Variants in PARD3B observed in about 807,000 individuals in gnomAD.
PARD3B encodes the protein partitioning defective 3 homolog B.
In PARD3B, 103 loss-of-function variants were observed where a neutral mutation model predicts 130.2. That is an observed-to-expected ratio of 0.79 (90% confidence interval 0.67 to 0.93). PARD3B has a LOEUF of 0.93. Among genes scored for constraint, PARD3B ranks in the 40% least tolerant of loss-of-function variants. The pLI is 0.00. For missense variants in PARD3B, 1,609 were observed against 1,499.2 expected (o/e 1.07, Z -1.21); for synonymous variants, 583 against 553.2 (o/e 1.05, Z -0.76).
chr2:205,103,254 CATTTTATATTTATGTAAAATAAACAT>C (rs1702932706), intron 4 of PARD3B, among the ~76,000 whole-genome samples: 2 of 76,672 alleles, frequency 2.6e-5, no homozygotes, highest in Admixed American at 1.2e-4. Flanking sequence ...ATGTAAAAAA[CATTTTATATTTATGTAAAATAAACAT>C]ATTTTATATT....
chr2:205,054,986 ATC>A (rs1699544055), intron 4 of PARD3B, among the ~76,000 whole-genome samples: 1 of 152,084 alleles, frequency 6.6e-6, no homozygotes, highest in Admixed American at 6.6e-5. Flanking sequence ...ATTAGCTGTT[ATC>A]TCTCTGAAAT....
At chr2:205,386,235 T>A (rs1270766463) in intron 18 of PARD3B, among the ~76,000 whole-genome samples, 1 of 152,156 alleles carries the variant, frequency 6.6e-6, no homozygotes, top group Non-Finnish European at 1.5e-5. Flanking sequence ...TCCATCCACA[T>A]ATTCTTGGCA....
chr2:205,168,180 G>C (rs75025348), intron 11 of PARD3B, among the ~76,000 whole-genome samples: 1 of 151,874 alleles, frequency 6.6e-6, no homozygotes, highest in Non-Finnish European at 1.5e-5. Flanking sequence ...TTTCTAGCTT[G>C]AGGATGGAGT....
intron 2 of PARD3B, among the ~76,000 whole-genome samples, chr2:204,875,614 T>C (rs2045810680): frequency 6.6e-6 from 1 of 152,224 alleles, no homozygotes; most frequent in South Asian, 2.1e-4. Context: ...TGGCCTGCCT[T>C]GAAAGAGAAA....
At chr2:205,388,044 T>C (rs927790215) in intron 18 of PARD3B, among the ~76,000 whole-genome samples, 1 of 152,172 alleles carries the variant, frequency 6.6e-6, no homozygotes, top group Non-Finnish European at 1.5e-5. Flanking sequence ...GAGGAAACAC[T>C]CTCTGGTAAA....
intron 18 of PARD3B, among the ~76,000 whole-genome samples, chr2:205,396,439 A>G (rs2046032763): frequency 6.6e-6 from 1 of 152,236 alleles, no homozygotes; most frequent in Non-Finnish European, 1.5e-5. Context: ...TAAGGAAAGA[A>G]GAAAGATTTT....
At chr2:204,652,162 A>G (rs766361192) in intron 1 of PARD3B, among the ~76,000 whole-genome samples, 1 of 152,036 alleles carries the variant, frequency 6.6e-6, no homozygotes, top group Non-Finnish European at 1.5e-5. Context: ...GCAGCTTTGA[A>G]TCACCCCCAC....
intron 2 of PARD3B, among the ~76,000 whole-genome samples, chr2:204,720,195 C>G (rs990659758): frequency 1.3e-5 from 2 of 152,112 alleles, no homozygotes; most frequent in African/African-American, 4.8e-5. Context: ...TGCGAGCCAG[C>G]AGAAATGATC....
chr2:205,402,916 G>A (rs530459482), intron 19 of PARD3B, among the ~76,000 whole-genome samples: 1 of 152,178 alleles, frequency 6.6e-6, no homozygotes. Context: ...TAGAATTAAT[G>A]ACCAAAGGCA....
Position 205,500,064 on chromosome 2 carries a change from C to A in PARD3B, c.3180+33C>A, listed in dbSNP as rs1348407135. 7.5e-6 allele frequency: 12 copies of A among 1,607,578 alleles called. No homozygotes were observed. The African/African-American group carries it at 1.5e-4, about 20-fold the overall frequency. On this transcript the variant is annotated intron_variant, in intron 21 of 22. Coordinates refer to ENST00000406610, the MANE Select transcript of PARD3B (RefSeq NM_001302769.2). Reference sequence around the variant, plus strand: ...CATGCATGATTTCAATCGTTGAATTCATCTTTTCTAAGAATGTTTAGAGCA... The same window carrying A: ...CATGCATGATTTCAATCGTTGAATTAATCTTTTCTAAGAATGTTTAGAGCA...
Position 205,463,057 on chromosome 2 carries a change from C to T in PARD3B, c.3044+22385C>T, listed in dbSNP as rs1364425277. Among the ~76,000 whole-genome samples, 1 of 152,140 alleles carries T rather than the reference C, an allele frequency of 6.6e-6. No homozygotes were observed. The highest frequency in any genetic ancestry group is 1.5e-5 in the Non-Finnish European group (1 of 68,030). The stretch of plus-strand genomic sequence containing the variant: ...GTTAGAGAAAAAGTCATCTCAGCAT[C>T]AACTGACAATTATTTTTTTTGCCCT... On this transcript the variant is annotated intron_variant, in intron 20 of 22. Transcript: ENST00000406610. The surrounding 1 kb of genome is among the most constrained non-coding windows in gnomAD (Gnocchi z 4.8).
chr2:204,904,590 T>A (rs891683820), intron 2 of PARD3B, among the ~76,000 whole-genome samples: 1 of 152,174 alleles, frequency 6.6e-6, no homozygotes, highest in Admixed American at 6.5e-5. Flanking sequence ...ATTTTAAACA[T>A]CTTGTAGTTG....
rs1701194169 is a variant in PARD3B at position 205,078,276 on chromosome 2, C to A, written c.505-26150C>A. Among the ~76,000 whole-genome samples, 1 of 152,120 alleles carries A rather than the reference C, an allele frequency of 6.6e-6. No homozygotes were observed. The highest frequency in any genetic ancestry group is 1.5e-5 in the Non-Finnish European group (1 of 68,012). On this transcript the variant is annotated intron_variant, in intron 4 of 22. Transcript: ENST00000406610. This position sits in a 1 kb window ranked among gnomAD's most constrained non-coding sequence, Gnocchi z 4.0. Reference sequence around the variant, plus strand: ...TGGGTATTTATAATTTAGCTTTGTTCCTTTTATTAGATGTGACAGAGCAAT... The same window carrying A: ...TGGGTATTTATAATTTAGCTTTGTTACTTTTATTAGATGTGACAGAGCAAT...
At position 205,245,246 on chromosome 2, in the gene PARD3B, C is replaced by T. The variant is rs529211585; in HGVS notation, c.2141-532C>T. On this transcript the variant is annotated intron_variant, in intron 15 of 22. Coordinates refer to ENST00000406610, the MANE Select transcript of PARD3B (RefSeq NM_001302769.2). Reference sequence around the variant, plus strand: ...TGTTTTCCATCTCTTGGGATCACTGCATTTTGTTGCCTAATGTCTAATCTG... The same window carrying T: ...TGTTTTCCATCTCTTGGGATCACTGTATTTTGTTGCCTAATGTCTAATCTG... Among the ~76,000 whole-genome samples the T allele has an allele frequency of 2.0e-5, 3 of 152,284 alleles. No individual in the cohort carries two copies. In the South Asian group the frequency reaches 6.2e-4, roughly 32 times the overall value.
At chr2:204,991,654 C>T (rs369290412) in intron 3 of PARD3B, among the ~76,000 whole-genome samples, 24 of 149,258 alleles carry the variant, frequency 1.6e-4, no homozygotes, top group South Asian at 4.3e-4. Flanking sequence ...ATCGCCACAC[C>T]GACTTCCACA....
At chr2:205,430,799 TAAGAG>T (rs1269396203) in intron 19 of PARD3B, among the ~76,000 whole-genome samples, 1 of 152,174 alleles carries the variant, frequency 6.6e-6, no homozygotes, top group Non-Finnish European at 1.5e-5. Context: ...TAATGAGACT[TAAGAG>T]AACACCAAAT....
chr2:205,340,084 A>G (rs2043464515), intron 18 of PARD3B, among the ~76,000 whole-genome samples: 2 of 152,168 alleles, frequency 1.3e-5, no homozygotes, highest in Non-Finnish European at 2.9e-5. Context: ...ACCACTACCT[A>G]GAATGAATCC....
chr2:205,240,299 G>C (rs561849745), intron 15 of PARD3B, among the ~76,000 whole-genome samples: 1 of 152,078 alleles, frequency 6.6e-6, no homozygotes, highest in Non-Finnish European at 1.5e-5. Context: ...TTTATTAACT[G>C]TTAAGGGATT....
intron 21 of PARD3B, among the ~76,000 whole-genome samples, chr2:205,547,501 A>T (rs1268166738): frequency 6.6e-6 from 1 of 152,158 alleles, no homozygotes; most frequent in East Asian, 1.9e-4. Context: ...CTTCTTGGAT[A>T]AGCTTTCAGG....
Sources: gnomAD v4.1 joint callset for allele counts (sites outside exome capture counted in the v4.1 genomes callset) on GRCh38, gnomAD v4.1.1 for gene constraint, Gnocchi (gnomAD v3.1) non-coding constraint, MANE v1.5 for transcripts, NCBI Gene and HGNC (gene_info 2026-07-23, HGNC 2026-07-21) for gene names.